Variants in NPFFR2 observed in about 807,000 individuals in gnomAD.
NPFFR2 encodes neuropeptide FF receptor 2, also known as G-protein coupled receptor 74.
In NPFFR2, 15 loss-of-function variants were observed where a neutral mutation model predicts 13.1. The observed-to-expected ratio is 1.15, with a 90% CI of 0.77 to 1.76. The LOEUF is 1.76. Among genes scored for constraint, NPFFR2 ranks in the 40% most tolerant of loss-of-function variants. The pLI is 0.00. For synonymous variants in NPFFR2, 190 were observed against 175.7 expected, an observed-to-expected ratio of 1.08 and a Z score of -0.65; for missense variants, 572 against 503.5, an observed-to-expected ratio of 1.14 and a Z score of -1.30.
intron 1 of NPFFR2, among the ~76,000 whole-genome samples, chr4:72,125,251 T>A (rs990677460): frequency 6.6e-6 from 1 of 152,108 alleles, no homozygotes; most frequent in African/African-American, 2.4e-5. Flanking sequence ...CAGTTAGAAT[T>A]GCAATCATTA....
rs572421385 is a variant in NPFFR2, at chr4:72,080,135, T to G, written c.-8+47935T>G. On this transcript the variant is annotated intron_variant, in intron 1 of 3. Coordinates refer to ENST00000308744, the MANE Select transcript of NPFFR2 (RefSeq NM_004885.3). Reference sequence around the variant, plus strand: ...ATTTCTTTTGAAATATAAATACCTGTTTTTTGTTGTTGTTGTTGTTGTTTT... The same window carrying G: ...ATTTCTTTTGAAATATAAATACCTGGTTTTTGTTGTTGTTGTTGTTGTTTT... 3.8e-4 allele frequency among the ~76,000 whole-genome samples: 27 copies of G among 71,488 alleles called. No homozygotes were observed. In the East Asian group the frequency reaches 6.2e-3, roughly 17 times the overall value. 46.9% of individuals were successfully genotyped at this position (71,488 alleles called of 152,430 possible). A position where few individuals can be genotyped will look rare whatever the true frequency, so the allele number is the denominator to read the frequency against.
Position 72,032,322 on chromosome 4 carries a change from A to G in NPFFR2, c.-8+122A>G, listed in dbSNP as rs1578412217. The G allele has an allele frequency of 1.3e-5, 15 of 1,131,842 alleles. No homozygotes were observed. The East Asian group carries it at 3.7e-4, about 28-fold the overall frequency. The allele number at this position is 1,131,842 out of a possible 1,614,324, so 70.1% of individuals were successfully genotyped here. On this transcript the variant is annotated intron_variant, in intron 1 of 3. Transcript: ENST00000308744. Reference sequence around the variant, plus strand: ...GTGGACCGACACCTTGGATTTTTCAAATCCCTTCCTAATTACACAGGCACC... The same window carrying G: ...GTGGACCGACACCTTGGATTTTTCAGATCCCTTCCTAATTACACAGGCACC...
In NPFFR2 at chr4:72,138,113, T is replaced by C. The variant is rs1251220965; in HGVS notation, c.402T>C (p.Phe134=). The change falls in exon 3 of 4, where the codon TTT becomes TTC. Residue 134 remains phenylalanine, a synonymous_variant. Transcript: ENST00000308744. ...GAATATCTGTCGCAGCTTCAGTCTT[T>C]ACGTTAGTTGCAATTGCTGTAGATA... ...VQGISVAASV[F]TLVAIAVDRF... is the part of the protein sequence containing the mutation. The C allele has an allele frequency of 6.2e-7, 1 of 1,613,620 alleles. No individual in the cohort carries two copies.
At chr4:72,052,219 T>C (rs1218113261) in intron 1 of NPFFR2, among the ~76,000 whole-genome samples, 1 of 76,000 alleles carries the variant, frequency 1.3e-5, no homozygotes, top group East Asian at 2.3e-4. Context: ...CCAATATCCT[T>C]GATGAACATT....
chr4:72,060,347 A>G (rs1413877038), intron 1 of NPFFR2, among the ~76,000 whole-genome samples: 1 of 152,086 alleles, frequency 6.6e-6, no homozygotes, highest in East Asian at 1.9e-4. Flanking sequence ...ATTGTAATCA[A>G]GGAACCTCTT....
chr4:72,068,560 C>G (rs1219172337), intron 1 of NPFFR2, among the ~76,000 whole-genome samples: 1 of 152,200 alleles, frequency 6.6e-6, no homozygotes, highest in Non-Finnish European at 1.5e-5. Flanking sequence ...GAGCAGGGCC[C>G]TCTCTGTTTA....
chr4:72,062,522 TAAA>T (rs5859300), intron 1 of NPFFR2, among the ~76,000 whole-genome samples: 506 of 148,532 alleles, frequency 3.4e-3, no homozygotes, highest in Non-Finnish European at 3.3e-3. Context: ...TAATAGATTG[TAAA>T]AAAAAAAAAA....
intron 1 of NPFFR2, among the ~76,000 whole-genome samples, chr4:72,077,217 A>G (rs574305720): frequency 4.6e-5 from 7 of 152,090 alleles, no homozygotes; most frequent in Non-Finnish European, 1.0e-4. Context: ...GGCTTTCACT[A>G]ATGTAACCCT....
Position 72,094,666 on chromosome 4 carries a change from C to G in NPFFR2, c.-7-33919C>G, listed in dbSNP as rs559692977. Among the ~76,000 whole-genome samples the G allele has an allele frequency of 3.3e-5, 5 of 152,304 alleles. 1 individual carries two copies. The South Asian group carries it at 1.0e-3, about 32-fold the overall frequency. ...GCAGCCTGCAGCCTGAAAGGCTGAT[C>G]TCACTCCCTCTGTGCCCCTGACAAC... On this transcript the variant is annotated intron_variant, in intron 1 of 3. Transcript: ENST00000308744.
chr4:72,083,563 T>C (rs1318786279), intron 1 of NPFFR2, among the ~76,000 whole-genome samples: 1 of 152,160 alleles, frequency 6.6e-6, no homozygotes, highest in Non-Finnish European at 1.5e-5. Context: ...GGTTTTGTTG[T>C]ACCTCACTTT....
intron 1 of NPFFR2, among the ~76,000 whole-genome samples, chr4:72,079,497 A>C (rs900453076): frequency 6.6e-6 from 1 of 152,204 alleles, no homozygotes; most frequent in Non-Finnish European, 1.5e-5. Flanking sequence ...ACATGATACC[A>C]AAATAAACTC....
chr4:72,124,779 G>A (rs950134962), intron 1 of NPFFR2, among the ~76,000 whole-genome samples: 2 of 151,990 alleles, frequency 1.3e-5, no homozygotes, highest in Admixed American at 6.6e-5. Flanking sequence ...TAACCAAGAC[G>A]GATTAAAGAC....
At chr4:72,083,893 A>AT (rs1056301765) in intron 1 of NPFFR2, among the ~76,000 whole-genome samples, 1 of 152,112 alleles carries the variant, frequency 6.6e-6, no homozygotes, top group Non-Finnish European at 1.5e-5. Flanking sequence ...ACTGCATTCC[A>AT]TTCAGTTCTC....
At chr4:72,040,971 A>G (rs1157227150) in intron 1 of NPFFR2, among the ~76,000 whole-genome samples, 2 of 150,922 alleles carry the variant, frequency 1.3e-5, no homozygotes, top group Non-Finnish European at 3.0e-5. Flanking sequence ...TGCTATTGCT[A>G]ATATTAAGAA....
intron 1 of NPFFR2, among the ~76,000 whole-genome samples, chr4:72,038,135 C>T (rs183975489): frequency 9.9e-5 from 15 of 152,240 alleles, no homozygotes; most frequent in Admixed American, 1.3e-4. Flanking sequence ...GTGATGCTCT[C>T]CCTGCCTGGG....
At chr4:72,143,046 G>T (rs552431779) in intron 3 of NPFFR2, among the ~76,000 whole-genome samples, 1 of 152,292 alleles carries the variant, frequency 6.6e-6, no homozygotes, top group Admixed American at 6.5e-5. Context: ...GAGACCTTCT[G>T]ATTCCTGGAG....
intron 1 of NPFFR2, among the ~76,000 whole-genome samples, chr4:72,115,976 A>G (rs1721701483): frequency 6.6e-6 from 1 of 152,202 alleles, no homozygotes; most frequent in Non-Finnish European, 1.5e-5. Flanking sequence ...TAGTATTCTA[A>G]TACACACATT....
chr4:72,142,363 A>G (rs1416574730), intron 3 of NPFFR2, among the ~76,000 whole-genome samples: 2 of 152,130 alleles, frequency 1.3e-5, no homozygotes, highest in Non-Finnish European at 2.9e-5. Flanking sequence ...GGAAAGGGAA[A>G]TTCCCCAACC....
rs749449981 is a variant in NPFFR2, at chr4:72,138,115, C to T, written c.404C>T (p.Thr135Met). Residue 135 changes from threonine (T) to methionine (M), a missense_variant, in exon 3 of 4, where the codon ACG becomes ATG. By Grantham distance (81) the Thr-to-Met change is moderately conservative (BLOSUM62 -1). Transcript: ENST00000308744. Reference sequence around the variant, plus strand: ...ATATCTGTCGCAGCTTCAGTCTTTACGTTAGTTGCAATTGCTGTAGATAGG... The same window carrying T: ...ATATCTGTCGCAGCTTCAGTCTTTATGTTAGTTGCAATTGCTGTAGATAGG... ...QGISVAASVF[T>M]LVAIAVDRFQ... The T allele has an allele frequency of 3.7e-5, 59 of 1,613,300 alleles. No individual in the cohort carries two copies. Among genetic ancestry groups the T allele is most frequent in the Admixed American group, 1.7e-4 (10 of 59,902 alleles).
Sources: gnomAD v4.1 joint callset for allele counts (sites outside exome capture counted in the v4.1 genomes callset) on GRCh38, gnomAD v4.1.1 for gene constraint, MANE v1.5 for transcripts, NCBI Gene and HGNC (gene_info 2026-07-23, HGNC 2026-07-21) for gene names.